The following CCND3 variants were observed in gnomAD, a reference collection of about 807,000 sequenced individuals.
CCND3 encodes cyclin D3.
Under a neutral mutation model 28.7 loss-of-function variants are expected in CCND3, and 9 were observed. The observed-to-expected ratio is 0.31, with a 90% CI of 0.19 to 0.55. CCND3 has a LOEUF of 0.55. CCND3 is among the 20% of genes least tolerant of loss of function. The pLI, the probability that CCND3 is intolerant of heterozygous loss-of-function variation, is 0.93. For missense variants in CCND3, 315 were observed against 385.8 expected (o/e 0.82, Z 1.54); for synonymous variants, 164 against 163.9 (o/e 1.00, Z 0.00).
Position 41,941,039 on chromosome 6 carries a change from G to C in CCND3, c.198+413C>G. On this transcript the variant is annotated intron_variant, in intron 1 of 4. Coordinates refer to ENST00000372991, the MANE Select transcript of CCND3 (RefSeq NM_001760.5). This position sits in a 1 kb window ranked among gnomAD's most constrained non-coding sequence, Gnocchi z 6.1. ...GAACAGGGCGCGCGCCACCCCCATC[G>C]CCTTCCCCGCCAGAACCCCGCGAAA... 1 of 1,602,400 alleles carries C rather than the reference G, an allele frequency of 6.2e-7. No individual in the cohort carries two copies. Among genetic ancestry groups the C allele is most frequent in the South Asian group, 1.1e-5 (1 of 90,242 alleles).
intron 1 of CCND3, among the ~76,000 whole-genome samples, chr6:42,018,748 A>G (rs1763605441): frequency 6.6e-6 from 1 of 151,748 alleles, no homozygotes; most frequent in Non-Finnish European, 1.5e-5. Context: ...AAAATTAACC[A>G]GGTATGGTGG....
rs566939754 is a variant in CCND3, at chr6:42,014,021, G to A, written c.-46+34480C>T. Among the ~76,000 whole-genome samples the A allele has an allele frequency of 4.7e-5, 7 of 149,958 alleles. No individual in the cohort carries two copies. The East Asian group carries it at 7.9e-4, about 17-fold the overall frequency. On this transcript the variant is annotated intron_variant, in intron 1 of 4. Transcript: ENST00000372988. Reference sequence around the variant, plus strand: ...CGGGAGGCGGAGGTTGCAGTGAGCCGAGATCGTGCCACTGCACTCCAGCCT... The same window carrying A: ...CGGGAGGCGGAGGTTGCAGTGAGCCAAGATCGTGCCACTGCACTCCAGCCT...
intron 1 of CCND3, among the ~76,000 whole-genome samples, chr6:41,975,028 A>T (rs9369317): frequency 6.6e-6 from 1 of 151,952 alleles, no homozygotes; most frequent in Admixed American, 6.6e-5. Context: ...TCCTGACCTC[A>T]TGATCCACCT....
chr6:41,954,228 G>T, intron 1 of CCND3, among the ~76,000 whole-genome samples: 1 of 107,620 alleles, frequency 9.3e-6, no homozygotes, highest in Non-Finnish European at 1.9e-5. Flanking sequence ...TCCAGCCTGG[G>T]GTACAGAGCA....
chr6:42,003,569 C>G (rs1350070055), intron 1 of CCND3, among the ~76,000 whole-genome samples: 1 of 102,826 alleles, frequency 9.7e-6, no homozygotes, highest in Non-Finnish European at 1.9e-5. Context: ...AAAAGAACAG[C>G]AGAATAAGTC....
intron 1 of CCND3, among the ~76,000 whole-genome samples, chr6:41,992,455 C>T (rs1762677962): frequency 7.1e-6 from 1 of 140,486 alleles, no homozygotes; most frequent in Admixed American, 8.0e-5. Context: ...AGCCACCACA[C>T]CCAGCCGGTT....
chr6:42,030,721 G>A (rs1361885070), intron 1 of CCND3, among the ~76,000 whole-genome samples: 1 of 152,164 alleles, frequency 6.6e-6, no homozygotes, highest in African/African-American at 2.4e-5. Context: ...CAGCCCGGCA[G>A]GTGGAGTCCA....
intron 1 of CCND3, among the ~76,000 whole-genome samples, chr6:41,973,040 T>C (rs1336819393): frequency 1.3e-5 from 2 of 152,096 alleles, no homozygotes; most frequent in African/African-American, 4.8e-5. Context: ...CATGTGTGTC[T>C]GGGTAATGTC....
chr6:42,048,734 G>T lies in CCND3; in HGVS notation c.-279C>A. ...CCGATCCAGAGCTGGGCAGGAAGTGGGGAAGAGGGGGCGGAGGAGACAAAG... is the reference window on the plus strand; with the variant it reads ...CCGATCCAGAGCTGGGCAGGAAGTGTGGAAGAGGGGGCGGAGGAGACAAAG... On this transcript the variant is annotated 5_prime_UTR_variant, in exon 1 of 5. Transcript: ENST00000372988. The surrounding 1 kb of genome is among the most constrained non-coding windows in gnomAD (Gnocchi z 4.7). The T allele has an allele frequency of 2.0e-6, 1 of 499,614 alleles. No homozygotes were observed. 30.9% of individuals were successfully genotyped at this position (499,614 alleles called of 1,614,324 possible).
intron 1 of CCND3, among the ~76,000 whole-genome samples, chr6:41,964,463 A>AAT (rs370504613): frequency 0.19 from 28,162 of 146,158 alleles, 3,146 homozygotes; most frequent in Non-Finnish European, 0.25. Flanking sequence ...TCTGTGTGTG[A>AAT]GTGTGTGTGT....
chr6:41,994,639 G>A (rs1033833019), intron 1 of CCND3, among the ~76,000 whole-genome samples: 1 of 152,114 alleles, frequency 6.6e-6, no homozygotes, highest in Admixed American at 6.6e-5. Context: ...TATCAACGTA[G>A]GTTCATCACC....
intron 1 of CCND3, among the ~76,000 whole-genome samples, chr6:41,996,869 T>C (rs943232947): frequency 6.6e-6 from 1 of 152,146 alleles, no homozygotes; most frequent in African/African-American, 2.4e-5. Context: ...TTCACCATGT[T>C]GGCCAGGCTG....
Position 41,936,761 on chromosome 6 carries a change from C to A in CCND3, c.575-66G>T. On this transcript the variant is annotated intron_variant, in intron 3 of 4. Coordinates refer to ENST00000372991, the MANE Select transcript of CCND3 (RefSeq NM_001760.5). This position sits in a 1 kb window ranked among gnomAD's most constrained non-coding sequence, Gnocchi z 4.4. ...GAAGGATAACGGCCAGCATGGACTTCCGACTCCTTGGAAAGTGCCAGGCAG... is the reference window on the plus strand; with the variant it reads ...GAAGGATAACGGCCAGCATGGACTTACGACTCCTTGGAAAGTGCCAGGCAG... 1 of 1,551,744 alleles carries A rather than the reference C, an allele frequency of 6.4e-7. No individual in the cohort carries two copies. The highest frequency in any genetic ancestry group is 1.4e-5 in the African/African-American group (1 of 73,694).
intron 1 of CCND3, among the ~76,000 whole-genome samples, chr6:41,981,263 C>T (rs752294921): frequency 3.4e-5 from 5 of 147,180 alleles, no homozygotes; most frequent in African/African-American, 7.5e-5. Context: ...TGGAGTGCAT[C>T]GGTGCGATCT....
chr6:41,977,510 G>A (rs1395178966), intron 1 of CCND3, among the ~76,000 whole-genome samples: 1 of 152,070 alleles, frequency 6.6e-6, no homozygotes, highest in Non-Finnish European at 1.5e-5. Context: ...GGGATTACAG[G>A]CACCTGCCAC....
chr6:42,020,596 A>T (rs1763681031), intron 1 of CCND3, among the ~76,000 whole-genome samples: 1 of 151,946 alleles, frequency 6.6e-6, no homozygotes, highest in Non-Finnish European at 1.5e-5. Flanking sequence ...AGCCCTCCAA[A>T]CTCTACCAGT....
At chr6:41,978,433 G>A (rs184053815) in intron 1 of CCND3, among the ~76,000 whole-genome samples, 4 of 152,136 alleles carry the variant, frequency 2.6e-5, no homozygotes, top group Admixed American at 2.6e-4. Context: ...CTACTTGGGA[G>A]GCTGAGGCAG....
At position 41,941,033 on chromosome 6, in the gene CCND3, C is replaced by T. The variant is rs1259897448; in HGVS notation, c.198+419G>A. ...CGGCCGGAACAGGGCGCGCGCCACC[C>T]CCATCGCCTTCCCCGCCAGAACCCC... On this transcript the variant is annotated intron_variant, in intron 1 of 4. Transcript: ENST00000372991. The surrounding 1 kb of genome is among the most constrained non-coding windows in gnomAD (Gnocchi z 6.1). 1 of 1,605,638 alleles carries T rather than the reference C, an allele frequency of 6.2e-7. No individual in the cohort carries two copies.
intron 1 of CCND3, among the ~76,000 whole-genome samples, chr6:41,993,410 C>CTTTT (rs70987558): frequency 5.7e-4 from 58 of 101,680 alleles, no homozygotes; most frequent in East Asian, 9.0e-4. Context: ...CTCATGTCTT[C>CTTTT]TTTTTTTTTT....
Sources: allele counts gnomAD v4.1 joint callset (sites outside exome capture counted in the v4.1 genomes callset), GRCh38; gene constraint gnomAD v4.1.1; non-coding constraint Gnocchi (gnomAD v3.1); transcripts MANE v1.5; gene names NCBI Gene and HGNC (gene_info 2026-07-23, HGNC 2026-07-21).